Variants in KCNG2 observed in about 807,000 individuals in gnomAD.
KCNG2 encodes the protein potassium voltage-gated channel modifier subfamily G member 2.
In KCNG2, 7 loss-of-function variants were observed where a neutral mutation model predicts 12.3. The observed-to-expected ratio is 0.57, with a 90% confidence interval of 0.32 to 1.07. The LOEUF is 1.07. Among genes scored for constraint, KCNG2 ranks in the 50% least tolerant of loss-of-function variants. The probability of loss-of-function intolerance (pLI) is 0.04; values close to 1 mark genes in which losing one functional copy is unlikely to be tolerated. For missense variants in KCNG2, 703 were observed against 726.0 expected, an observed-to-expected ratio of 0.97 and a Z score of 0.36; for synonymous variants, 414 against 351.4, an observed-to-expected ratio of 1.18 and a Z score of -1.99.
intron 3 of KCNG2, among the ~76,000 whole-genome samples, chr18:79,881,508 A>G (rs1001208223): frequency 6.6e-6 from 1 of 152,260 alleles, no homozygotes; most frequent in African/African-American, 2.4e-5. Context: ...TAATAGCACC[A>G]AAAACCATGA....
At chr18:79,813,837 T>G (rs192510346) in intron 1 of KCNG2, among the ~76,000 whole-genome samples, 1 of 152,298 alleles carries the variant, frequency 6.6e-6, no homozygotes, top group Admixed American at 6.5e-5. Context: ...GAGAAAATAT[T>G]TGCAAACCAC....
At chr18:79,804,038 T>C (rs965093879) in intron 1 of KCNG2, among the ~76,000 whole-genome samples, 2 of 152,172 alleles carry the variant, frequency 1.3e-5, no homozygotes, top group Admixed American at 1.3e-4. Context: ...AAGTGCTGCA[T>C]GGCACTGAAT....
At chr18:79,802,697 G>A (rs2087420183) in intron 1 of KCNG2, among the ~76,000 whole-genome samples, 1 of 150,760 alleles carries the variant, frequency 6.6e-6, no homozygotes, top group South Asian at 2.1e-4. Flanking sequence ...GTTCTAGCGT[G>A]CATCTGTTAC....
chr18:79,890,147 C>T (rs886832806), intron 3 of KCNG2, among the ~76,000 whole-genome samples: 1 of 152,088 alleles, frequency 6.6e-6, no homozygotes, highest in Non-Finnish European at 1.5e-5. Context: ...CTTTTAACAT[C>T]GGTATTCACG....
At position 79,864,146 on chromosome 18, in the gene KCNG2, G is replaced by A. The variant is rs776506547; in HGVS notation, c.479G>A (p.Arg160Gln). The stretch of plus-strand genomic sequence containing the variant: ...CCTCGGGGGCGGCTGCAGCGCGGCC[G>A]GCGGCGCCTGCGCGACGTGGTGGAC... The part of the protein sequence containing the change: ...LGPRGRLQRG[R>Q]RRLRDVVDNP... Residue 160 changes from arginine to glutamine, a missense_variant, in exon 3 of 4, where the codon CGG becomes CAG. Coordinates refer to ENST00000316249, the MANE Select transcript of KCNG2 (RefSeq NM_012283.2). 7 of 1,410,752 alleles carry A rather than the reference G, an allele frequency of 5.0e-6. No individual in the cohort carries two copies. Among genetic ancestry groups the A allele is most frequent in the East Asian group, 6.6e-5 (2 of 30,288 alleles). The allele number at this position is 1,410,752 out of a possible 1,614,324, so 87.4% of individuals were successfully genotyped here.
chr18:79,872,542 C>T (rs968840782), intron 3 of KCNG2, among the ~76,000 whole-genome samples: 1 of 152,156 alleles, frequency 6.6e-6, no homozygotes, highest in African/African-American at 2.4e-5. Flanking sequence ...ACCTTGGCCT[C>T]CCAAAGTGCT....
Position 79,822,953 on chromosome 18 carries a change from C to T in KCNG2, c.-115+24939C>T, listed in dbSNP as rs1056636522. ...TGGCTCACTTGTGGCATGTGAAGAG[C>T]GTGTGGAGCACCCCAAGGCTTTAGG... On this transcript the variant is annotated intron_variant, in intron 1 of 3. Transcript: ENST00000316249. This position sits in a 1 kb window ranked among gnomAD's most constrained non-coding sequence, Gnocchi z 4.4. Among the ~76,000 whole-genome samples the T allele has an allele frequency of 6.6e-6, 1 of 152,180 alleles. No individual in the cohort carries two copies.
intron 1 of KCNG2, among the ~76,000 whole-genome samples, chr18:79,818,013 C>G (rs2087542647): frequency 6.6e-6 from 1 of 152,232 alleles, no homozygotes; most frequent in Non-Finnish European, 1.5e-5. Flanking sequence ...TGGGTGCTGC[C>G]TCCTCGCCAG....
At chr18:79,850,433 A>T (rs1274259420) in intron 1 of KCNG2, among the ~76,000 whole-genome samples, 1 of 152,162 alleles carries the variant, frequency 6.6e-6, no homozygotes, top group Non-Finnish European at 1.5e-5. Flanking sequence ...CTATTTCTTA[A>T]GTCAATTCTA....
At chr18:79,836,669 A>G (rs1978328375) in intron 1 of KCNG2, among the ~76,000 whole-genome samples, 1 of 152,130 alleles carries the variant, frequency 6.6e-6, no homozygotes, top group Admixed American at 6.5e-5. Context: ...GGTAAAGGAG[A>G]AGCAAGACCT....
chr18:79,854,910 A>C (rs1019152014), intron 1 of KCNG2, among the ~76,000 whole-genome samples: 5 of 151,752 alleles, frequency 3.3e-5, no homozygotes, highest in African/African-American at 1.2e-4. Context: ...TCTCCTGTGG[A>C]CCCCGATGCC....
Position 79,889,322 on chromosome 18 carries a change from G to T in KCNG2, c.625-9718G>T, listed in dbSNP as rs1980664788. On this transcript the variant is annotated intron_variant, in intron 3 of 3. Transcript: ENST00000316249. ...CATTTTTTCTTAATTTTTGCGTATGGTTCAGGTAAGCGCTCAGCTGGATTC... is the reference window on the plus strand; with the variant it reads ...CATTTTTTCTTAATTTTTGCGTATGTTTCAGGTAAGCGCTCAGCTGGATTC... 3.3e-5 allele frequency among the ~76,000 whole-genome samples: 5 copies of T among 152,286 alleles called. No homozygotes were observed. The South Asian group carries it at 1.0e-3, about 32-fold the overall frequency.
chr18:79,863,758 G>A lies in KCNG2; in HGVS notation c.91G>A (p.Ala31Thr). 6.6e-6 allele frequency: 8 copies of A among 1,219,646 alleles called. No individual in the cohort carries two copies. The highest frequency in any genetic ancestry group is 8.2e-6 in the Non-Finnish European group (8 of 977,088). 75.6% of individuals were successfully genotyped at this position (1,219,646 alleles called of 1,614,324 possible). ...INVGGCRVRL[A>T]WAALARCPLA... ...CGTGGGCGGCTGCCGCGTGCGCCTG[G>A]CATGGGCCGCGCTGGCGCGATGCCC... is the stretch of plus-strand genomic sequence containing the variant. Residue 31 changes from alanine (A) to threonine (T), a missense_variant, in exon 3 of 4, where the codon GCA becomes ACA. By Grantham distance (58) the Ala-to-Thr change is moderately conservative. Transcript: ENST00000316249.
Position 79,899,219 on chromosome 18 carries a change from G to A in KCNG2, c.804G>A (p.Leu268=). 1 of 1,601,682 alleles carries A rather than the reference G, an allele frequency of 6.2e-7. No homozygotes were observed. The highest frequency in any genetic ancestry group is 8.5e-7 in the Non-Finnish European group (1 of 1,179,152). The change falls in exon 4 of 4, where the codon CTG becomes CTA. Residue 268 remains leucine (L), a synonymous_variant. Transcript: ENST00000316249. ...ALLPFYVSLL[L]GLAAGPGGTK... is the part of the protein sequence containing the mutation. Reference sequence around the variant, plus strand: ...TGCCGTTCTACGTGTCGCTGCTGCTGGGGCTGGCGGCAGGCCCGGGCGGGA... The same window carrying A: ...TGCCGTTCTACGTGTCGCTGCTGCTAGGGCTGGCGGCAGGCCCGGGCGGGA...
At chr18:79,836,216 C>T (rs1027923798) in intron 1 of KCNG2, among the ~76,000 whole-genome samples, 2 of 152,128 alleles carry the variant, frequency 1.3e-5, no homozygotes, top group African/African-American at 2.4e-5. Flanking sequence ...ATCAAAAGAA[C>T]GTTGTTGTGG....
intron 3 of KCNG2, among the ~76,000 whole-genome samples, chr18:79,895,272 G>T (rs1980923557): frequency 6.6e-6 from 1 of 151,438 alleles, no homozygotes; most frequent in African/African-American, 2.4e-5. Flanking sequence ...ATATAGTTGG[G>T]TCTGTTTCTG....
At chr18:79,818,446 G>C (rs2087546648) in intron 1 of KCNG2, among the ~76,000 whole-genome samples, 1 of 152,050 alleles carries the variant, frequency 6.6e-6, no homozygotes, top group African/African-American at 2.4e-5. Context: ...CCGCTGCCTG[G>C]CCCCCTCGAT....
At chr18:79,814,927 G>A (rs577132534) in intron 1 of KCNG2, among the ~76,000 whole-genome samples, 215 of 145,168 alleles carry the variant, frequency 1.5e-3, no homozygotes, top group Non-Finnish European at 1.8e-3. Context: ...TTTTTTTTAC[G>A]ATGAAAATAC....
At chr18:79,874,075 C>T (rs1442525061) in intron 3 of KCNG2, among the ~76,000 whole-genome samples, 2 of 152,220 alleles carry the variant, frequency 1.3e-5, no homozygotes, top group African/African-American at 4.8e-5. Context: ...GCCAGGCAGG[C>T]GCTGTCTCCT....
Sources: allele counts gnomAD v4.1 joint callset (sites outside exome capture counted in the v4.1 genomes callset), GRCh38; gene constraint gnomAD v4.1.1; non-coding constraint Gnocchi (gnomAD v3.1); transcripts MANE v1.5; gene names NCBI Gene and HGNC (gene_info 2026-07-23, HGNC 2026-07-21).